Variants in LMCD1 observed in about 807,000 individuals in gnomAD.
LMCD1 encodes the protein LIM and cysteine rich domains 1, also known as LIM and cysteine-rich domains protein 1.
LMCD1 carries 32 observed loss-of-function variants against 42.7 expected under a neutral mutation model. The observed-to-expected ratio is 0.75, with a 90% CI of 0.57 to 1.01. The LOEUF (loss-of-function observed/expected upper bound fraction) is 1.01, where lower values mean the gene tolerates loss of function less well. Ranked by LOEUF, LMCD1 falls within the 50% of genes least tolerant of loss-of-function variation. The pLI is 0.00. For synonymous variants in LMCD1, 178 were observed against 184.9 expected (o/e 0.96, Z 0.30); for missense variants, 458 against 483.1 (o/e 0.95, Z 0.49).
chr3:8,548,908 G>C lies in LMCD1; in HGVS notation c.723+5G>C. 6.7e-7 allele frequency: 1 copy of C among 1,502,548 alleles called. No homozygotes were observed. The highest frequency in any genetic ancestry group is 8.9e-7 in the Non-Finnish European group (1 of 1,122,852). The allele number at this position is 1,502,548 out of a possible 1,614,324, so 93.1% of individuals were successfully genotyped here. A position where few individuals can be genotyped will look rare whatever the true frequency, so the allele number is the denominator to read the frequency against. Reference sequence around the variant, plus strand: ...CCGTCCAAAGAAGTGGAATACGTAAGTTTCTCCCATGCTTCCAGCCAGGCT... The same window carrying C: ...CCGTCCAAAGAAGTGGAATACGTAACTTTCTCCCATGCTTCCAGCCAGGCT... On this transcript the variant is annotated splice_donor_5th_base_variant and intron_variant, in intron 4 of 5. Coordinates refer to ENST00000157600, the MANE Select transcript of LMCD1 (RefSeq NM_014583.4).
intron 1 of LMCD1, among the ~76,000 whole-genome samples, chr3:8,509,978 G>A (rs912449578): frequency 1.3e-5 from 2 of 152,294 alleles, no homozygotes; most frequent in African/African-American, 4.8e-5. Flanking sequence ...TCTTTGCTCA[G>A]CATATGTTTT....
intron 3 of LMCD1, among the ~76,000 whole-genome samples, chr3:8,538,565 T>C (rs1199405523): frequency 2.6e-5 from 4 of 152,184 alleles, no homozygotes; most frequent in Non-Finnish European, 5.9e-5. Context: ...GACTTCCTCC[T>C]TCCAGTGCTA....
At chr3:8,508,666 G>A (rs1239165883) in intron 1 of LMCD1, among the ~76,000 whole-genome samples, 2 of 152,118 alleles carry the variant, frequency 1.3e-5, no homozygotes, top group Non-Finnish European at 2.9e-5. Context: ...GAAAAAAATG[G>A]CACATCTGAA....
chr3:8,544,560 T>C (rs1694697908), intron 3 of LMCD1, among the ~76,000 whole-genome samples: 1 of 152,152 alleles, frequency 6.6e-6, no homozygotes, highest in South Asian at 2.1e-4. Flanking sequence ...CTTTCTATGC[T>C]GTTTCCCAGA....
At chr3:8,561,339 T>G (rs1695030401) in intron 4 of LMCD1, among the ~76,000 whole-genome samples, 1 of 152,118 alleles carries the variant, frequency 6.6e-6, no homozygotes, top group African/African-American at 2.4e-5. Context: ...TTCCATGGGT[T>G]TTTTAAATGA....
In LMCD1 at chr3:8,516,806, C is replaced by T. The variant is rs377715356; in HGVS notation, c.42+14826C>T. On this transcript the variant is annotated intron_variant, in intron 1 of 5. Coordinates refer to ENST00000157600, the MANE Select transcript of LMCD1 (RefSeq NM_014583.4). ...TTAGTTTGCTAGTAAGAAAAATGGC[C>T]CCAAGTTTTATCCTTAGTGTTATTA... Among the ~76,000 whole-genome samples the T allele has an allele frequency of 9.9e-5, 15 of 152,084 alleles. No individual in the cohort carries two copies. The East Asian group carries it at 2.9e-3, about 29-fold the overall frequency.
At chr3:8,558,388 T>C (rs1040690782) in intron 4 of LMCD1, among the ~76,000 whole-genome samples, 1 of 152,226 alleles carries the variant, frequency 6.6e-6, no homozygotes, top group African/African-American at 2.4e-5. Flanking sequence ...CAATTAAGAA[T>C]CTCATGCCAT....
At chr3:8,561,195 A>T (rs897743628) in intron 4 of LMCD1, among the ~76,000 whole-genome samples, 51 of 152,240 alleles carry the variant, frequency 3.3e-4, no homozygotes, top group African/African-American at 1.2e-3. Flanking sequence ...ACTAAGTTTA[A>T]ATTAGCATCT....
At chr3:8,548,397 C>A (rs1032604861) in intron 3 of LMCD1, among the ~76,000 whole-genome samples, 171 bp from the exon 4 acceptor site, 2 of 152,054 alleles carry the variant, frequency 1.3e-5, no homozygotes, top group African/African-American at 4.8e-5. Context: ...TCTAAAATTA[C>A]AAAAGTAATC....
At chr3:8,509,628 A>T (rs189339751) in intron 1 of LMCD1, among the ~76,000 whole-genome samples, 1 of 152,324 alleles carries the variant, frequency 6.6e-6, no homozygotes, top group African/African-American at 2.4e-5. Flanking sequence ...GAGACAGGCC[A>T]AATAATGTCA....
chr3:8,513,755 CAG>C (rs1350716253), intron 1 of LMCD1, among the ~76,000 whole-genome samples: 1 of 152,138 alleles, frequency 6.6e-6, no homozygotes, highest in Non-Finnish European at 1.5e-5. Flanking sequence ...AAAACAGTAA[CAG>C]GGTAATCAAA....
In LMCD1 at chr3:8,569,948, C is replaced by G. The variant is rs187305142; in HGVS notation, c.*2350C>G. 3.0e-4 allele frequency: 48 copies of G among 157,770 alleles called. No homozygotes were observed. The highest frequency in any genetic ancestry group is 1.2e-3 in the African/African-American group (48 of 40,480). The allele number at this position is 157,770 out of a possible 1,614,324, so 9.8% of individuals were successfully genotyped here. ...TGAGCTGTGATCATGCCACAGCACT[C>G]CAGCCTGGGTGACAGAGTGAGACCC... On this transcript the variant is annotated 3_prime_UTR_variant, in exon 6 of 6. Transcript: ENST00000157600.
At chr3:8,549,753 G>A (rs1172399861) in intron 4 of LMCD1, 6 of 698,890 alleles carry the variant, frequency 8.6e-6, no homozygotes, top group Middle Eastern at 2.9e-4. Context: ...AGGCCAAGGG[G>A]CTGCATCTGG....
chr3:8,532,144 C>G (rs1419136448), intron 1 of LMCD1, among the ~76,000 whole-genome samples: 1 of 152,194 alleles, frequency 6.6e-6, no homozygotes, highest in Non-Finnish European at 1.5e-5. Flanking sequence ...CTTTTGGTAC[C>G]TTTGGCTGGT....
In LMCD1 at chr3:8,530,212, G is replaced by A. The variant is rs539796960; in HGVS notation, c.43-2525G>A. 3.1e-4 allele frequency among the ~76,000 whole-genome samples: 47 copies of A among 152,274 alleles called. 2 individuals are homozygous for A. The highest frequency in any genetic ancestry group is 1.5e-3 in the South Asian group (7 of 4,816). On this transcript the variant is annotated intron_variant, in intron 1 of 5. Coordinates refer to ENST00000157600, the MANE Select transcript of LMCD1 (RefSeq NM_014583.4). ...CCCACTCCCAACCAGGAACCACTTC[G>A]TAACATCTCACCAAGTGAGGATCCT...
intron 3 of LMCD1, among the ~76,000 whole-genome samples, chr3:8,547,938 A>G (rs1213188922): frequency 6.6e-6 from 1 of 152,202 alleles, no homozygotes; most frequent in Non-Finnish European, 1.5e-5. Context: ...GTAGCCTGCT[A>G]CGCATCTAGG....
intron 4 of LMCD1, among the ~76,000 whole-genome samples, chr3:8,553,137 G>A (rs933738004): frequency 5.9e-5 from 9 of 152,084 alleles, no homozygotes; most frequent in South Asian, 2.1e-4. Flanking sequence ...CTACCTTGAC[G>A]GCCCCCATCC....
intron 2 of LMCD1, among the ~76,000 whole-genome samples, chr3:8,533,994 A>AATT (rs1366572689): frequency 6.6e-6 from 1 of 151,628 alleles, no homozygotes; most frequent in Non-Finnish European, 1.5e-5. Context: ...CTCCTTCTAT[A>AATT]ATTTAAACAC....
chr3:8,515,406 T>C (rs1694079465), intron 1 of LMCD1, among the ~76,000 whole-genome samples: 1 of 152,196 alleles, frequency 6.6e-6, no homozygotes, highest in South Asian at 2.1e-4. Flanking sequence ...CAGTTCTGAC[T>C]AAGTTCTCTG....
Sources: gnomAD v4.1 joint callset for allele counts (sites outside exome capture counted in the v4.1 genomes callset) on GRCh38, gnomAD v4.1.1 for gene constraint, MANE v1.5 for transcripts, NCBI Gene and HGNC (gene_info 2026-07-23, HGNC 2026-07-21) for gene names.